CPED1: variants seen among roughly 807,000 people sequenced by gnomAD.
CPED1 encodes the protein cadherin-like and PC-esterase domain-containing protein 1.
In CPED1, 114 loss-of-function variants were observed where a neutral mutation model predicts 128.2. The ratio of observed to expected loss-of-function variants is 0.89; its 90% CI spans 0.76 to 1.04. CPED1 has a LOEUF of 1.04. Ranked by LOEUF, CPED1 falls within the 50% of genes least tolerant of loss-of-function variation. The pLI is 0.00. For missense variants in CPED1, 1,211 were observed against 1,207.1 expected (o/e 1.00, Z -0.05); for synonymous variants, 462 against 426.7 (o/e 1.08, Z -1.02).
At chr7:121,048,649 T>C (rs2110276) in intron 4 of CPED1, among the ~76,000 whole-genome samples, 119,127 of 152,052 alleles carry the variant, frequency 0.78, 46,873 homozygotes, top group Admixed American at 0.85. Context: ...AAGCAATTAT[T>C]GGGCCTCAGC....
At chr7:121,258,361 T>C (rs962983220) in intron 18 of CPED1, among the ~76,000 whole-genome samples, 1 of 152,210 alleles carries the variant, frequency 6.6e-6, no homozygotes, top group African/African-American at 2.4e-5. Context: ...CATTGCAATA[T>C]AGCACAATAA....
chr7:121,046,985 C>T lies in CPED1; in HGVS notation c.532C>T (p.His178Tyr), dbSNP rs1266536390. The change falls in exon 4 of 23, where the codon CAT (histidine) becomes TAT (tyrosine). Residue 178 changes from histidine (H) to tyrosine (Y), a missense_variant. His to Tyr is a moderately conservative substitution (Grantham distance 83). Coordinates refer to ENST00000310396, the MANE Select transcript of CPED1 (RefSeq NM_024913.5). ...GGAAGTCATGTGCCAGTTAGGTTTA[C>T]ATCAAAAGGTAAATACTCTCAAGAT... ...SKEVMCQLGLHQKANRLPEIQ... is the reference protein window; with the variant it reads ...SKEVMCQLGLYQKANRLPEIQ... 1 of 1,603,048 alleles carries T rather than the reference C, an allele frequency of 6.2e-7. No homozygotes were observed. Among genetic ancestry groups the T allele is most frequent in the Non-Finnish European group, 8.5e-7 (1 of 1,170,492 alleles).
chr7:121,133,509 T>C (rs1795719157), intron 12 of CPED1, among the ~76,000 whole-genome samples: 2 of 152,100 alleles, frequency 1.3e-5, no homozygotes, highest in Admixed American at 6.6e-5. Flanking sequence ...CCAAACAGAT[T>C]TCCAATAAGA....
At chr7:121,190,962 A>C (rs1419868063) in intron 16 of CPED1, among the ~76,000 whole-genome samples, 1 of 152,130 alleles carries the variant, frequency 6.6e-6, no homozygotes, top group Non-Finnish European at 1.5e-5. Flanking sequence ...GATTTTCCCC[A>C]TCCCAGAGTC....
chr7:121,278,068 A>G (rs1050969947), intron 22 of CPED1, among the ~76,000 whole-genome samples: 1 of 152,130 alleles, frequency 6.6e-6, no homozygotes, highest in African/African-American at 2.4e-5. Context: ...TGGTTTTGGT[A>G]AAATGTCGGG....
At chr7:121,062,481 TC>T (rs1435242457) in intron 4 of CPED1, among the ~76,000 whole-genome samples, 1 of 152,220 alleles carries the variant, frequency 6.6e-6, no homozygotes, top group Non-Finnish European at 1.5e-5. Flanking sequence ...TGCTGTTTGT[TC>T]CCTCCAGCCC....
intron 14 of CPED1, among the ~76,000 whole-genome samples, chr7:121,140,393 G>A (rs1195431712): frequency 1.3e-5 from 2 of 151,914 alleles, no homozygotes; most frequent in Non-Finnish European, 2.9e-5. Flanking sequence ...GTATTTCAAT[G>A]ACACTCCACA....
chr7:121,277,148 A>G (rs937013985), intron 22 of CPED1, among the ~76,000 whole-genome samples: 2 of 152,118 alleles, frequency 1.3e-5, no homozygotes, highest in Non-Finnish European at 2.9e-5. Context: ...TATAGATCTT[A>G]TTTGTGGCAT....
intron 16 of CPED1, among the ~76,000 whole-genome samples, chr7:121,234,818 C>T (rs1534018): frequency 0.45 from 69,023 of 151,908 alleles, 16,341 homozygotes; most frequent in Middle Eastern, 0.56. Flanking sequence ...CACACGTACA[C>T]GTGTGTATTT....
chr7:121,212,097 C>A (rs77665807), intron 16 of CPED1, among the ~76,000 whole-genome samples: 483 of 152,110 alleles, frequency 3.2e-3, no homozygotes, highest in African/African-American at 0.011. Flanking sequence ...CCTTACTGGG[C>A]ATGCTTGATG....
chr7:121,137,754 C>T (rs552798610), intron 14 of CPED1, among the ~76,000 whole-genome samples: 8 of 152,206 alleles, frequency 5.3e-5, no homozygotes, highest in African/African-American at 1.7e-4. Context: ...ATACATGCTA[C>T]TCCATTCTCC....
chr7:121,218,220 C>T (rs187465132), intron 16 of CPED1, among the ~76,000 whole-genome samples: 110 of 150,990 alleles, frequency 7.3e-4, no homozygotes, highest in African/African-American at 2.6e-3. Context: ...GTCTGAAACT[C>T]CTGACCTCAG....
intron 16 of CPED1, among the ~76,000 whole-genome samples, chr7:121,183,676 A>C (rs1334574678): frequency 6.6e-6 from 1 of 152,206 alleles, no homozygotes; most frequent in Non-Finnish European, 1.5e-5. Flanking sequence ...TATGAATAGA[A>C]GAACATAATG....
intron 13 of CPED1, among the ~76,000 whole-genome samples, chr7:121,135,585 T>A (rs563912748): frequency 1.3e-5 from 2 of 152,118 alleles, no homozygotes; most frequent in Admixed American, 6.6e-5. Context: ...TATAAATGAA[T>A]GATTTAAGCA....
chr7:120,992,422 C>G (rs1331759669), intron 2 of CPED1, among the ~76,000 whole-genome samples: 1 of 151,896 alleles, frequency 6.6e-6, no homozygotes, highest in African/African-American at 2.4e-5. Context: ...ACATTTTATG[C>G]AAAATACTGT....
chr7:121,261,551 G>A, intron 18 of CPED1: 4 of 1,553,736 alleles, frequency 2.6e-6, no homozygotes, highest in Non-Finnish European at 3.5e-6. Flanking sequence ...TCTAACCAGT[G>A]GAATATGATC....
At chr7:121,276,518 A>G (rs977343015) in intron 22 of CPED1, among the ~76,000 whole-genome samples, 2 of 152,162 alleles carry the variant, frequency 1.3e-5, no homozygotes, top group African/African-American at 4.8e-5. Flanking sequence ...GGACATTGCA[A>G]TCAGGGTCAG....
Position 121,097,695 on chromosome 7 carries a change from T to C in CPED1, c.617-4T>C, listed in dbSNP as rs1207630480. 1.9e-6 allele frequency: 3 copies of C among 1,613,360 alleles called. No individual in the cohort carries two copies. The South Asian group carries it at 3.3e-5, about 18-fold the overall frequency. On this transcript the variant is annotated splice_region_variant and splice_polypyrimidine_tract_variant and intron_variant, in intron 5 of 22. Transcript: ENST00000310396. The stretch of plus-strand genomic sequence containing the variant: ...CTGTCTTCTGCTCTCTTGAATCTTT[T>C]CAGAACTGCAACTTCCAGTGAGTCC...
At chr7:121,086,302 C>T (rs1398764128) in intron 5 of CPED1, among the ~76,000 whole-genome samples, 4 of 152,160 alleles carry the variant, frequency 2.6e-5, no homozygotes, top group African/African-American at 9.7e-5. Context: ...GGTAAATCTA[C>T]ACATTTGTTG....
Sources: gnomAD v4.1 joint callset for allele counts (sites outside exome capture counted in the v4.1 genomes callset) on GRCh38, gnomAD v4.1.1 for gene constraint, MANE v1.5 for transcripts, NCBI Gene and HGNC (gene_info 2026-07-23, HGNC 2026-07-21) for gene names.